The following ANK3 variants were observed in gnomAD, a reference collection of about 807,000 sequenced individuals.
The protein encoded by ANK3 is ankyrin 3, also known as ankyrin-3.
ANK3 carries 57 observed loss-of-function variants against 370.9 expected under a neutral mutation model. That is an observed-to-expected ratio of 0.15 (90% CI 0.12 to 0.19). The LOEUF is 0.19. Ranked by LOEUF, ANK3 falls within the 10% of genes least tolerant of loss-of-function variation. ANK3 has a pLI of 1.00. For synonymous variants in ANK3, 1,929 were observed against 1,946.3 expected, an observed-to-expected ratio of 0.99 and a Z score of 0.23; for missense variants, 4,439 against 5,302.1, an observed-to-expected ratio of 0.84 and a Z score of 5.06.
chr10:60,441,403 A>C (rs1210735045), intron 2 of ANK3, among the ~76,000 whole-genome samples: 1 of 152,154 alleles, frequency 6.6e-6, no homozygotes, highest in Non-Finnish European at 1.5e-5. Flanking sequence ...CTAATATATA[A>C]TAAAACCTCT....
chr10:60,656,829 C>T (rs2078870894), intron 1 of ANK3, among the ~76,000 whole-genome samples: 1 of 151,942 alleles, frequency 6.6e-6, no homozygotes, highest in Admixed American at 6.6e-5. Flanking sequence ...GCGATCATAA[C>T]TCACTGCAGC....
intron 7 of ANK3, among the ~76,000 whole-genome samples, chr10:60,246,016 G>A (rs1420944338): frequency 1.3e-5 from 2 of 152,092 alleles, no homozygotes; most frequent in East Asian, 3.9e-4. Context: ...AGCACTTTGG[G>A]AGGCCGAGGT....
chr10:60,377,773 C>G (rs1365529234), intron 1 of ANK3, among the ~76,000 whole-genome samples: 2 of 152,280 alleles, frequency 1.3e-5, no homozygotes, highest in Middle Eastern at 6.8e-3. Context: ...CAAGTTCAGC[C>G]TCTGAATTTA....
chr10:60,311,998 T>A (rs2132850740), intron 1 of ANK3, among the ~76,000 whole-genome samples: 2 of 152,350 alleles, frequency 1.3e-5, no homozygotes, highest in Middle Eastern at 6.8e-3. Context: ...GTCCATCTTG[T>A]GAACAGTACC....
chr10:60,069,225 C>T lies in ANK3; in HGVS notation c.11656G>A (p.Ala3886Thr). ...TGACTAACCTGCTTCATTTTACTTGCTTTAGTGTTTGACATATGGTTCGGT... is the reference window on the plus strand; with the variant it reads ...TGACTAACCTGCTTCATTTTACTTGTTTTAGTGTTTGACATATGGTTCGGT... ...FPPNHMSNTK[A>T]SKMKQVSQSE... The change falls in exon 37 of 44, where the codon GCA becomes ACA. Residue 3886 changes from alanine (A) to threonine (T), a missense_variant. Physicochemically the swap from Ala to Thr is moderately conservative, Grantham distance 58 (BLOSUM62 0). Around this residue, in one of 13 missense-constraint regions of ANK3, gnomAD observed 496 missense variants for 529.3 expected, o/e 0.94. Transcript: ENST00000280772. The T allele has an allele frequency of 1.2e-6, 2 of 1,614,080 alleles. No homozygotes were observed. Among genetic ancestry groups the T allele is most frequent in the Non-Finnish European group, 1.7e-6 (2 of 1,179,976 alleles).
intron 1 of ANK3, among the ~76,000 whole-genome samples, chr10:60,354,942 C>T (rs761096718): frequency 2.6e-5 from 4 of 151,752 alleles, no homozygotes; most frequent in Non-Finnish European, 5.9e-5. Context: ...AAATAAATAC[C>T]CTGAGTCTGA....
chr10:60,530,136 C>A (rs1347458474), intron 2 of ANK3, among the ~76,000 whole-genome samples: 2 of 152,152 alleles, frequency 1.3e-5, no homozygotes, highest in African/African-American at 4.8e-5. Context: ...AATCTTGGTG[C>A]CCAGGCAGTG....
chr10:60,140,160 T>C (rs2094501318), intron 23 of ANK3: 2 of 612,214 alleles, frequency 3.3e-6, no homozygotes, highest in Non-Finnish European at 5.7e-6. Context: ...GCTTTTAAAC[T>C]ACCAATCAAG....
At chr10:60,251,345 C>A (rs1444487913) in intron 7 of ANK3, among the ~76,000 whole-genome samples, 1 of 152,138 alleles carries the variant, frequency 6.6e-6, no homozygotes, top group Non-Finnish European at 1.5e-5. Context: ...TTTCTGGGCC[C>A]TTCCTTCCCA....
intron 1 of ANK3, among the ~76,000 whole-genome samples, chr10:60,620,829 C>T (rs972926624): frequency 1.2e-4 from 18 of 152,102 alleles, no homozygotes; most frequent in African/African-American, 4.3e-4. Context: ...GATACCTTCT[C>T]TAATAACAAG....
intron 2 of ANK3, among the ~76,000 whole-genome samples, chr10:60,554,483 G>A (rs886233285): frequency 6.6e-6 from 1 of 152,112 alleles, no homozygotes; most frequent in Non-Finnish European, 1.5e-5. Context: ...ATATCTGCTT[G>A]CTGCTGACCA....
At chr10:60,350,176 T>C (rs1308857788) in intron 1 of ANK3, among the ~76,000 whole-genome samples, 2 of 152,196 alleles carry the variant, frequency 1.3e-5, no homozygotes, top group African/African-American at 2.4e-5. Flanking sequence ...ATTCAATGTA[T>C]GTAGATATCT....
chr10:60,688,083 CT>C (rs556322022), intron 1 of ANK3, among the ~76,000 whole-genome samples: 6,194 of 147,102 alleles, frequency 0.042, 162 homozygotes, highest in Middle Eastern at 0.076. Flanking sequence ...GAATTACTAA[CT>C]TTTTTTTTTT....
chr10:60,700,453 C>T (rs984120877), intron 1 of ANK3, among the ~76,000 whole-genome samples: 2 of 151,834 alleles, frequency 1.3e-5, no homozygotes, highest in Non-Finnish European at 2.9e-5. Flanking sequence ...AAAAATTTCC[C>T]CCCTGGAATT....
chr10:60,633,067 A>C (rs1447690446), intron 1 of ANK3, among the ~76,000 whole-genome samples: 1 of 152,182 alleles, frequency 6.6e-6, no homozygotes, highest in Non-Finnish European at 1.5e-5. Context: ...AATTTGATAA[A>C]TTCAAATAAA....
At chr10:60,336,130 C>T (rs2052804945) in intron 1 of ANK3, among the ~76,000 whole-genome samples, 1 of 151,620 alleles carries the variant, frequency 6.6e-6, no homozygotes, top group African/African-American at 2.4e-5. Context: ...GCAAAAGTCA[C>T]ATTGGGGCAG....
rs960605860 is a variant in ANK3 at position 60,303,910 on chromosome 10, A to G, written c.115-24271T>C. ...TGTGTGTGTGTGTGTGTGTGTGTGT[A>G]TAATTAAACACTATTTGATCATAAA... On this transcript the variant is annotated intron_variant, in intron 1 of 43. Transcript: ENST00000280772. 4.9e-5 allele frequency among the ~76,000 whole-genome samples: 7 copies of G among 143,668 alleles called. No homozygotes were observed. The East Asian group carries it at 6.0e-4, about 12-fold the overall frequency. The allele number at this position is 143,668 out of a possible 152,430, so 94.3% of individuals were successfully genotyped here.
At chr10:60,282,384 C>T (rs1195721243) in intron 1 of ANK3, among the ~76,000 whole-genome samples, 2 of 152,168 alleles carry the variant, frequency 1.3e-5, no homozygotes, top group Non-Finnish European at 2.9e-5. Context: ...ATCCAAACCT[C>T]TAAAACAAAA....
chr10:60,164,099 C>T (rs1204341380), intron 23 of ANK3, among the ~76,000 whole-genome samples: 1 of 152,122 alleles, frequency 6.6e-6, no homozygotes, highest in Non-Finnish European at 1.5e-5. Flanking sequence ...TGTAGGGGTC[C>T]TTTTAGAATC....
Sources: gnomAD v4.1 joint callset for allele counts (sites outside exome capture counted in the v4.1 genomes callset) on GRCh38, gnomAD v4.1.1 for gene constraint, gnomAD v4.1.1 regional missense constraint, MANE v1.5 for transcripts, NCBI Gene and HGNC (gene_info 2026-07-23, HGNC 2026-07-21) for gene names.